The following PITPNM3 variants were observed in gnomAD, a reference collection of about 807,000 sequenced individuals.
PITPNM3 encodes the protein PITPNM family member 3.
PITPNM3 carries 26 observed loss-of-function variants against 102.0 expected under a neutral mutation model. That is an observed-to-expected ratio of 0.25 (90% CI 0.19 to 0.35). The LOEUF (loss-of-function observed/expected upper bound fraction) is 0.35. PITPNM3 is among the 10% of genes least tolerant of loss of function. The probability of loss-of-function intolerance (pLI) is 1.00; values close to 1 mark genes in which losing one functional copy is unlikely to be tolerated. For missense variants in PITPNM3, 1,083 were observed against 1,346.1 expected (o/e 0.80, Z 3.06); for synonymous variants, 578 against 558.6 (o/e 1.03, Z -0.49).
chr17:6,523,164 A>G (rs961172746), intron 3 of PITPNM3, among the ~76,000 whole-genome samples: 1 of 152,140 alleles, frequency 6.6e-6, no homozygotes, highest in Non-Finnish European at 1.5e-5. Context: ...CCCTTCATTC[A>G]TGAGCATCAG....
At chr17:6,529,517 C>T (rs1422226453) in intron 2 of PITPNM3, among the ~76,000 whole-genome samples, 1 of 151,984 alleles carries the variant, frequency 6.6e-6, no homozygotes, top group Non-Finnish European at 1.5e-5. Flanking sequence ...TCGCTTGAAC[C>T]CGGGTGGCAG....
At chr17:6,534,062 A>C (rs1374560986) in intron 2 of PITPNM3, among the ~76,000 whole-genome samples, 7 of 152,192 alleles carry the variant, frequency 4.6e-5, no homozygotes, top group Non-Finnish European at 7.3e-5. Context: ...GGAGCCTCCC[A>C]GCTCTGGCTT....
At chr17:6,545,737 G>C (rs559316705) in intron 1 of PITPNM3, among the ~76,000 whole-genome samples, 27 of 135,430 alleles carry the variant, frequency 2.0e-4, no homozygotes, top group Non-Finnish European at 4.2e-4. Context: ...TGGCCCCTGA[G>C]GCCAGCCCGG....
At chr17:6,524,545 T>G (rs73978328) in intron 3 of PITPNM3, among the ~76,000 whole-genome samples, 4,956 of 152,252 alleles carry the variant, frequency 0.033, 252 homozygotes, top group African/African-American at 0.11. Context: ...CGTTGTCCGT[T>G]TGAATTTTAA....
intron 4 of PITPNM3, among the ~76,000 whole-genome samples, chr17:6,493,643 A>G (rs1248731186): frequency 6.6e-6 from 1 of 152,310 alleles, no homozygotes; most frequent in African/African-American, 2.4e-5. Flanking sequence ...AGGTCCCTCC[A>G]TGACTCCTTA....
chr17:6,467,081 CA>C (rs1312792836), intron 14 of PITPNM3, among the ~76,000 whole-genome samples: 1,506 of 101,546 alleles, frequency 0.015, 48 homozygotes, highest in African/African-American at 0.067. Context: ...AAAAAAAAAC[CA>C]AAAAAAAAAA....
intron 17 of PITPNM3, among the ~76,000 whole-genome samples, chr17:6,461,863 C>CCCT (rs113263719): frequency 0.15 from 22,045 of 151,296 alleles, 3,165 homozygotes; most frequent in African/African-American, 0.37. Flanking sequence ...GTGCCTCCCT[C>CCCT]CCTCCTCCTC....
At chr17:6,553,076 C>T (rs1349033936) in intron 1 of PITPNM3, among the ~76,000 whole-genome samples, 1 of 152,182 alleles carries the variant, frequency 6.6e-6, no homozygotes, top group Non-Finnish European at 1.5e-5. Flanking sequence ...AGCCCCTGGC[C>T]ACCTTTCTAT....
In PITPNM3 at chr17:6,478,498, C is replaced by CG; in HGVS notation, c.777+48dup. On this transcript the variant is annotated intron_variant, in intron 7 of 19. Transcript: ENST00000262483. This position sits in a 1 kb window ranked among gnomAD's most constrained non-coding sequence, Gnocchi z 4.4. ...GTAGATTCCAGCCTCTCTCCCAGGC[C>CG]GGGGCCGGAACAGGGGAGGGGAGAG... 1 of 1,602,580 alleles carries CG rather than the reference C, an allele frequency of 6.2e-7. No individual in the cohort carries two copies. The highest frequency in any genetic ancestry group is 8.5e-7 in the Non-Finnish European group (1 of 1,170,922).
At chr17:6,538,694 G>A (rs1909575565) in intron 1 of PITPNM3, among the ~76,000 whole-genome samples, 1 of 152,210 alleles carries the variant, frequency 6.6e-6, no homozygotes, top group African/African-American at 2.4e-5. Context: ...TCTTGTATCA[G>A]CAATGCCCCT....
chr17:6,487,757 C>T (rs148460381), intron 4 of PITPNM3, among the ~76,000 whole-genome samples: 77 of 152,292 alleles, frequency 5.1e-4, no homozygotes, highest in African/African-American at 1.7e-3. Flanking sequence ...AGCTCCCTCG[C>T]GACCCATGTG....
chr17:6,547,447 C>A (rs534411836), intron 1 of PITPNM3, among the ~76,000 whole-genome samples: 21 of 152,298 alleles, frequency 1.4e-4, no homozygotes, highest in African/African-American at 3.6e-4. Flanking sequence ...AGCTGTCCCC[C>A]CTATGTCCCG....
chr17:6,467,578 G>C (rs1349570297), intron 14 of PITPNM3, among the ~76,000 whole-genome samples: 1 of 152,154 alleles, frequency 6.6e-6, no homozygotes, highest in East Asian at 1.9e-4. Context: ...TACCTTTTAG[G>C]ACTGTTCTTG....
intron 4 of PITPNM3, among the ~76,000 whole-genome samples, chr17:6,499,758 G>A (rs897279558): frequency 4.6e-5 from 7 of 151,932 alleles, no homozygotes; most frequent in African/African-American, 1.7e-4. Flanking sequence ...CTGAGGCAGA[G>A]TCTCACTCTG....
At chr17:6,540,781 C>T (rs545674877) in intron 1 of PITPNM3, among the ~76,000 whole-genome samples, 1 of 152,292 alleles carries the variant, frequency 6.6e-6, no homozygotes, top group Non-Finnish European at 1.5e-5. Flanking sequence ...GCCTCAGCCT[C>T]CCAAGTAGCT....
Position 6,468,208 on chromosome 17 carries a change from A to T in PITPNM3, c.1890+17T>A, listed in dbSNP as rs1005875730. ...AGGACACAGTCCCAGCCACATGCGA[A>T]CTGAGCATGCACGCACCCTCAGCTT... On this transcript the variant is annotated intron_variant, in intron 14 of 19. Transcript: ENST00000262483. This position sits in a 1 kb window ranked among gnomAD's most constrained non-coding sequence, Gnocchi z 5.2. 6.2e-7 allele frequency: 1 copy of T among 1,607,560 alleles called. No homozygotes were observed. Among genetic ancestry groups the T allele is most frequent in the Non-Finnish European group, 8.5e-7 (1 of 1,175,590 alleles).
rs368507821 is a variant in PITPNM3 at position 6,477,996 on chromosome 17, C to T, written c.879G>A (p.Lys293=). The T allele has an allele frequency of 7.5e-5, 121 of 1,613,380 alleles. No individual in the cohort carries two copies. Among genetic ancestry groups the T allele is most frequent in the Middle Eastern group, 6.6e-4 (4 of 6,028 alleles). ...GTACCTGGGTGCTGCTGATGCTCCC[C>T]TTCCGGCTGCTGCTGGCAGGGCTGT... ...SGDSPASSSR[K]GSISSTQDTP... Residue 293 remains lysine (K), a synonymous_variant, in exon 8 of 20, where the codon AAG becomes AAA. Transcript: ENST00000262483.
chr17:6,533,969 TTGTG>T (rs1909279470), intron 2 of PITPNM3, among the ~76,000 whole-genome samples: 1 of 152,210 alleles, frequency 6.6e-6, no homozygotes. Context: ...CTCTGCCTCT[TTGTG>T]TGGCCCTAAA....
rs796611661 is a variant in PITPNM3 at position 6,517,570 on chromosome 17, T to A, written c.226+7786A>T. Among the ~76,000 whole-genome samples, 7 of 152,284 alleles carry A rather than the reference T, an allele frequency of 4.6e-5. No individual in the cohort carries two copies. Among genetic ancestry groups the A allele is most frequent in the African/African-American group, 1.7e-4 (7 of 41,558 alleles). ...ATGCCAGTTTTTATTTTTAATTTTTTTTTTTTTGAGACAGGGGCTCATTCT... is the reference window on the plus strand; with the variant it reads ...ATGCCAGTTTTTATTTTTAATTTTTATTTTTTTGAGACAGGGGCTCATTCT... On this transcript the variant is annotated intron_variant, in intron 3 of 19. Transcript: ENST00000262483. This position sits in a 1 kb window ranked among gnomAD's most constrained non-coding sequence, Gnocchi z 4.1.
Sources: gnomAD v4.1 joint callset for allele counts (sites outside exome capture counted in the v4.1 genomes callset) on GRCh38, gnomAD v4.1.1 for gene constraint, Gnocchi (gnomAD v3.1) non-coding constraint, MANE v1.5 for transcripts, NCBI Gene and HGNC (gene_info 2026-07-23, HGNC 2026-07-21) for gene names.